SHLD1: variants seen among roughly 807,000 people sequenced by gnomAD.
The protein encoded by SHLD1 is RINN1-REV7-interacting novel NHEJ regulator 3.
In SHLD1, 3 loss-of-function variants were observed where a neutral mutation model predicts 5.5. The ratio of observed to expected loss-of-function variants is 0.54; its 90% confidence interval spans 0.25 to 1.40. The LOEUF is 1.40. SHLD1 is among the 40% of genes most tolerant of loss of function. The pLI, the probability that SHLD1 is intolerant of heterozygous loss-of-function variation, is 0.15. For missense variants in SHLD1, 210 were observed against 244.4 expected, an observed-to-expected ratio of 0.86 and a Z score of 0.94; for synonymous variants, 92 against 94.3, an observed-to-expected ratio of 0.98 and a Z score of 0.14.
At chr20:5,762,729 C>A (rs1297357864) in intron 1 of SHLD1, among the ~76,000 whole-genome samples, 1 of 152,000 alleles carries the variant, frequency 6.6e-6, no homozygotes, top group Non-Finnish European at 1.5e-5. Context: ...AATCCCAGCA[C>A]TTTGGGAGAC....
intron 2 of SHLD1, among the ~76,000 whole-genome samples, chr20:5,831,429 G>A (rs893006707): frequency 2.0e-5 from 3 of 152,118 alleles, no homozygotes; most frequent in Admixed American, 6.5e-5. Context: ...ACTACTTTAC[G>A]TATTTTATTT....
intron 2 of SHLD1, among the ~76,000 whole-genome samples, chr20:5,833,832 G>A (rs144082934): frequency 6.6e-6 from 1 of 152,202 alleles, no homozygotes; most frequent in Admixed American, 6.5e-5. Context: ...GGGCGGAATA[G>A]TTGTCCAGAA....
intron 2 of SHLD1, among the ~76,000 whole-genome samples, chr20:5,838,023 G>T (rs1240428901): frequency 6.6e-6 from 1 of 152,180 alleles, no homozygotes; most frequent in Non-Finnish European, 1.5e-5. Flanking sequence ...CAATAACATT[G>T]TACAGTAAAT....
At chr20:5,837,039 G>T (rs1270532877) in intron 2 of SHLD1, among the ~76,000 whole-genome samples, 1 of 152,146 alleles carries the variant, frequency 6.6e-6, no homozygotes, top group Admixed American at 6.6e-5. Flanking sequence ...GAACTGAGTG[G>T]GGCCCAGGTC....
intron 2 of SHLD1, among the ~76,000 whole-genome samples, chr20:5,795,297 A>G (rs6053708): frequency 1.3e-4 from 19 of 151,920 alleles, no homozygotes; most frequent in African/African-American, 4.6e-4. Flanking sequence ...AACCAAAGTG[A>G]TAAAATCAGG....
chr20:5,857,129 C>T (rs1448728220), intron 2 of SHLD1, among the ~76,000 whole-genome samples: 2 of 152,136 alleles, frequency 1.3e-5, no homozygotes, highest in Non-Finnish European at 2.9e-5. Context: ...GTGCCCACCA[C>T]CATGCCCAGC....
intron 2 of SHLD1, among the ~76,000 whole-genome samples, chr20:5,800,364 A>C (rs1477823665): frequency 6.6e-6 from 1 of 152,214 alleles, no homozygotes; most frequent in Non-Finnish European, 1.5e-5. Context: ...ATTTCTTTAA[A>C]GGCTCTTTAC....
At chr20:5,761,044 C>T (rs569982778) in intron 1 of SHLD1, among the ~76,000 whole-genome samples, 16 of 151,974 alleles carry the variant, frequency 1.1e-4, no homozygotes, top group African/African-American at 3.1e-4. Context: ...GATCATAGAA[C>T]GTACTGGATA....
rs1407382483 is a variant in SHLD1 at position 5,806,088 on chromosome 20, C to T, written c.178+33045C>T. ...CTCTGTTGCCCAGGCTAGTTTAGAA[C>T]TCCTGGGTTCAAGTGATTCTCCTGC... On this transcript the variant is annotated intron_variant, in intron 2 of 2. Transcript: ENST00000303142. This position sits in a 1 kb window ranked among gnomAD's most constrained non-coding sequence, Gnocchi z 7.6. Among the ~76,000 whole-genome samples the T allele has an allele frequency of 6.6e-6, 1 of 152,134 alleles. No homozygotes were observed. Among genetic ancestry groups the T allele is most frequent in the Non-Finnish European group, 1.5e-5 (1 of 68,028 alleles).
At chr20:5,798,767 A>G (rs1405812796) in intron 2 of SHLD1, among the ~76,000 whole-genome samples, 9 of 149,106 alleles carry the variant, frequency 6.0e-5, no homozygotes, top group African/African-American at 1.7e-4. Flanking sequence ...ACAGGCACCC[A>G]CCACCGTGCC....
At chr20:5,856,150 A>G (rs2088081019) in intron 2 of SHLD1, among the ~76,000 whole-genome samples, 1 of 152,218 alleles carries the variant, frequency 6.6e-6, no homozygotes, top group Non-Finnish European at 1.5e-5. Flanking sequence ...TAGGCAGCAT[A>G]ACCTGGCCCA....
At chr20:5,843,531 A>G (rs2087892631) in intron 2 of SHLD1, among the ~76,000 whole-genome samples, 1 of 151,966 alleles carries the variant, frequency 6.6e-6, no homozygotes, top group Admixed American at 6.6e-5. Flanking sequence ...CCACCTTGCC[A>G]TGGCCCTAGG....
At chr20:5,788,884 C>A (rs1308694110) in intron 2 of SHLD1, among the ~76,000 whole-genome samples, 1 of 152,160 alleles carries the variant, frequency 6.6e-6, no homozygotes, top group Non-Finnish European at 1.5e-5. Context: ...GTAATCCCAG[C>A]ACTTTGGGAG....
intron 1 of SHLD1, among the ~76,000 whole-genome samples, chr20:5,763,256 C>T (rs1300390392): frequency 2.1e-4 from 30 of 144,134 alleles, no homozygotes; most frequent in African/African-American, 7.5e-4. Context: ...CGCCATTGCA[C>T]TCCAGCCTGG....
intron 2 of SHLD1, among the ~76,000 whole-genome samples, chr20:5,787,299 A>G (rs796675452): frequency 1.2e-4 from 19 of 152,320 alleles, no homozygotes; most frequent in African/African-American, 4.1e-4. Flanking sequence ...GCTGGAATCA[A>G]TGAAGCCCTT....
At chr20:5,852,914 G>T (rs189566523) in intron 2 of SHLD1, among the ~76,000 whole-genome samples, 3 of 152,274 alleles carry the variant, frequency 2.0e-5, no homozygotes, top group Admixed American at 6.5e-5. Flanking sequence ...AACTTTTGTT[G>T]CTTGTGTTTC....
intron 2 of SHLD1, among the ~76,000 whole-genome samples, chr20:5,817,188 T>C (rs1168834651): frequency 1.3e-5 from 2 of 152,212 alleles, no homozygotes; most frequent in East Asian, 3.8e-4. Context: ...GTTGACTGAT[T>C]TTTCTCCTGA....
rs1005400085 is a variant in SHLD1 at position 5,806,380 on chromosome 20, C to T, written c.178+33337C>T. On this transcript the variant is annotated intron_variant, in intron 2 of 2. Coordinates refer to ENST00000303142, the MANE Select transcript of SHLD1 (RefSeq NM_152504.4). The surrounding 1 kb of genome is among the most constrained non-coding windows in gnomAD (Gnocchi z 7.6). ...GAAAACTAGAACATTTGCTTATCTC[C>T]CGTCCCTCTATCACTTACCCCATCC... Among the ~76,000 whole-genome samples, 11 of 152,182 alleles carry T rather than the reference C, an allele frequency of 7.2e-5. No homozygotes were observed. Among genetic ancestry groups the T allele is most frequent in the African/African-American group, 2.7e-4 (11 of 41,444 alleles).
At chr20:5,832,831 AT>A in intron 2 of SHLD1, among the ~76,000 whole-genome samples, 1 of 145,146 alleles carries the variant, frequency 6.9e-6, no homozygotes, top group Non-Finnish European at 1.5e-5. Context: ...AAATAAATAA[AT>A]AAATAAATAA....
Sources: gnomAD v4.1 joint callset for allele counts (sites outside exome capture counted in the v4.1 genomes callset) on GRCh38, gnomAD v4.1.1 for gene constraint, Gnocchi (gnomAD v3.1) non-coding constraint, MANE v1.5 for transcripts, NCBI Gene and HGNC (gene_info 2026-07-23, HGNC 2026-07-21) for gene names.